NEIL1: variants seen among roughly 807,000 people sequenced by gnomAD.
The protein encoded by NEIL1 is endonuclease 8-like 1.
In NEIL1, 31 loss-of-function variants were observed where a neutral mutation model predicts 44.2. The observed-to-expected ratio is 0.70, with a 90% CI of 0.53 to 0.95. NEIL1 has a LOEUF of 0.95. NEIL1 is among the 40% of genes least tolerant of loss of function. NEIL1 has a pLI of 0.00. For missense variants in NEIL1, 549 were observed against 515.5 expected (o/e 1.07, Z -0.63); for synonymous variants, 254 against 209.7 (o/e 1.21, Z -1.83).
chr15:75,352,988 A>G, intron 5 of NEIL1: 1 of 317,074 alleles, frequency 3.2e-6, no homozygotes. Context: ...AAAAATGCAA[A>G]AAATTAGCCA....
In NEIL1 at chr15:75,356,394, CA is replaced by C. The variant is rs1219836021; in HGVS notation, c.*1361del. 1 of 1,610,816 alleles carries C rather than the reference CA, an allele frequency of 6.2e-7. No homozygotes were observed. Among genetic ancestry groups the C allele is most frequent in the African/African-American group, 1.3e-5 (1 of 74,878 alleles). ...CTGGGCTGGGGGCTGGCAGAGCCAACAGGGGGAAGTTTAGGCTGTAGGCAGC... is the reference window on the plus strand; with the variant it reads ...CTGGGCTGGGGGCTGGCAGAGCCAACGGGGGAAGTTTAGGCTGTAGGCAGC... On this transcript the variant is annotated 3_prime_UTR_variant, in exon 10 of 10. Coordinates refer to ENST00000355059, the MANE Select transcript of NEIL1 (RefSeq NM_024608.4). The surrounding 1 kb of genome is among the most constrained non-coding windows in gnomAD (Gnocchi z 5.8).
At position 75,348,209 on chromosome 15, in the gene NEIL1, C is replaced by G. The variant is rs1034194176; in HGVS notation, c.-22-675C>G. 7 of 752,028 alleles carry G rather than the reference C, an allele frequency of 9.3e-6. No individual in the cohort carries two copies. In the African/African-American group the frequency reaches 9.5e-5, roughly 10 times the overall value. 46.6% of individuals were successfully genotyped at this position (752,028 alleles called of 1,614,324 possible). On this transcript the variant is annotated intron_variant, in intron 1 of 9. Transcript: ENST00000355059. ...CGCCTCGTCCTGGCCCCTGCCCTGA[C>G]CCGGGGGCGGCCGCGGGGATGTCCG...
At chr15:75,348,055 G>T (rs1422455243) in intron 1 of NEIL1, 6 of 1,085,486 alleles carry the variant, frequency 5.5e-6, no homozygotes, top group Middle Eastern at 4.0e-4. Flanking sequence ...CCACCCCAGG[G>T]ACCAGGCGCT....
At chr15:75,352,957 T>C (rs1204483790) in intron 5 of NEIL1, 3 of 394,886 alleles carry the variant, frequency 7.6e-6, no homozygotes, top group East Asian at 5.7e-5. Context: ...CTGGCCAACA[T>C]GGTGAAACCC....
intron 5 of NEIL1, 123 bp downstream of exon 5, chr15:75,352,824 G>A (rs2072025483): frequency 1.3e-6 from 1 of 757,142 alleles, no homozygotes; most frequent in Non-Finnish European, 2.2e-6. Flanking sequence ...ATACTCAATG[G>A]ACTAGGCCTC....
chr15:75,349,394 CTT>C (rs2071707543), intron 2 of NEIL1, 55 bp downstream of exon 2: 3 of 1,500,028 alleles, frequency 2.0e-6, no homozygotes, highest in Non-Finnish European at 2.7e-6. Context: ...ACCTGACTCT[CTT>C]AGTGCCTTCT....
intron 2 of NEIL1, among the ~76,000 whole-genome samples, chr15:75,351,772 A>G (rs930555488): frequency 4.6e-5 from 7 of 151,888 alleles, no homozygotes; most frequent in African/African-American, 1.5e-4. Context: ...ACAGGCACCC[A>G]CCATCATGCC....
intron 1 of NEIL1, chr15:75,347,795 G>A (rs1187083138): frequency 2.7e-6 from 3 of 1,130,740 alleles, no homozygotes; most frequent in Non-Finnish European, 3.3e-6. Context: ...GGGGGCATGG[G>A]GAGGACGGGC....
chr15:75,354,069 A>T (rs1425237062), intron 6 of NEIL1, 181 bp from the exon 7 acceptor site: 3 of 1,021,022 alleles, frequency 2.9e-6, no homozygotes, highest in Non-Finnish European at 2.9e-6. Flanking sequence ...AGCCCAAGTG[A>T]AAGTAGCCAA....
chr15:75,356,589 C>T lies in NEIL1; in HGVS notation c.*1555C>T. The T allele has an allele frequency of 6.4e-7, 1 of 1,554,084 alleles. No individual in the cohort carries two copies. ...TGTCTAGGGCTGCAGGAAGGCCCCA[C>T]CGTCCCCAGCACTCACCCTTGTGCG... On this transcript the variant is annotated 3_prime_UTR_variant, in exon 10 of 10. Transcript: ENST00000355059. This position sits in a 1 kb window ranked among gnomAD's most constrained non-coding sequence, Gnocchi z 5.8.
chr15:75,354,264 G>C lies in NEIL1; in HGVS notation c.861G>C (p.Pro287=). The part of the protein sequence containing the change: ...RTIWFQGDPG[P]LAPKGRKSRK... The stretch of plus-strand genomic sequence containing the variant: ...TCCCATTTTAGGGGGATCCTGGACC[G>C]TTGGCACCCAAAGGTAAGCTACTCC... The change falls in exon 7 of 10, where the codon CCG becomes CCC. Residue 287 remains proline (P), a synonymous_variant. Transcript: ENST00000355059. 6.2e-7 allele frequency: 1 copy of C among 1,614,062 alleles called. No homozygotes were observed. The highest frequency in any genetic ancestry group is 8.5e-7 in the Non-Finnish European group (1 of 1,179,960).
At position 75,355,939 on chromosome 15, in the gene NEIL1, G is replaced by A; in HGVS notation, c.*905G>A. The A allele has an allele frequency of 6.2e-7, 1 of 1,614,184 alleles. No individual in the cohort carries two copies. The highest frequency in any genetic ancestry group is 1.1e-5 in the South Asian group (1 of 91,078). The stretch of plus-strand genomic sequence containing the variant: ...GCGGAGGCTGAAGCACGAGCAACAG[G>A]GACAGCACTTGGAAGGGAGAAAAGG... On this transcript the variant is annotated 3_prime_UTR_variant, in exon 10 of 10. Transcript: ENST00000355059.
chr15:75,353,573 G>C (rs770121503), intron 5 of NEIL1, 166 bp from the exon 6 acceptor site: 4 of 804,090 alleles, frequency 5.0e-6, no homozygotes, highest in Middle Eastern at 2.3e-4. Flanking sequence ...CCATGGCCGA[G>C]TGGGAAGAAA....
rs1386517098 is a variant in NEIL1, at chr15:75,352,352, C to G, written c.583C>G (p.Arg195Gly). ...RLKIPPFEKA[R>G]SVLEALQQHR... Reference sequence around the variant, plus strand: ...GAAGATCCCCCCCTTTGAGAAGGCCCGCTCGGTCCTGGAGGCCCTGCAGCA... The same window carrying G: ...GAAGATCCCCCCCTTTGAGAAGGCCGGCTCGGTCCTGGAGGCCCTGCAGCA... Residue 195 changes from arginine (R) to glycine (G), a missense_variant, in exon 4 of 10, where the codon CGC becomes GGC. Arg to Gly is a moderately radical substitution (Grantham distance 125, BLOSUM62 -2). Transcript: ENST00000355059. 6.2e-7 allele frequency: 1 copy of G among 1,614,118 alleles called. No individual in the cohort carries two copies. Among genetic ancestry groups the G allele is most frequent in the South Asian group, 1.1e-5 (1 of 91,088 alleles).
chr15:75,348,464 G>C, intron 1 of NEIL1: 1 of 1,030,030 alleles, frequency 9.7e-7, no homozygotes, highest in South Asian at 3.7e-5. Flanking sequence ...TGCGGAGGGG[G>C]TGCTCCCTCA....
Position 75,356,458 on chromosome 15 carries a change from C to T in NEIL1, c.*1424C>T, listed in dbSNP as rs1471349594. The T allele has an allele frequency of 8.2e-6, 13 of 1,589,772 alleles. No individual in the cohort carries two copies. Among genetic ancestry groups the T allele is most frequent in the South Asian group, 5.7e-5 (5 of 87,008 alleles). On this transcript the variant is annotated 3_prime_UTR_variant, in exon 10 of 10. Coordinates refer to ENST00000355059, the MANE Select transcript of NEIL1 (RefSeq NM_024608.4). The surrounding 1 kb of genome is among the most constrained non-coding windows in gnomAD (Gnocchi z 5.8). Reference sequence around the variant, plus strand: ...AGCATCCTGGAAAGAGCCTGGGGTACGACCAGGAAACAATGCTGGTGGAGA... The same window carrying T: ...AGCATCCTGGAAAGAGCCTGGGGTATGACCAGGAAACAATGCTGGTGGAGA...
At chr15:75,352,854 TC>T in intron 5 of NEIL1, 153 bp downstream of exon 5, 1 of 669,884 alleles carries the variant, frequency 1.5e-6, no homozygotes, top group Non-Finnish European at 2.6e-6. Flanking sequence ...CAATAGTGTT[TC>T]CAGGCTGGGC....
At chr15:75,354,587 G>C in intron 8 of NEIL1, 66 bp from the exon 9 acceptor site, 1 of 1,612,904 alleles carries the variant, frequency 6.2e-7, no homozygotes, top group Non-Finnish European at 8.5e-7. Flanking sequence ...GGGGGGAGTG[G>C]TGGGCCCTAA....
intron 1 of NEIL1, 112 bp downstream of exon 1, chr15:75,347,585 C>G (rs2071538101): frequency 6.3e-6 from 1 of 158,872 alleles, no homozygotes; most frequent in African/African-American, 2.4e-5. Flanking sequence ...CGGCTCCCAG[C>G]GCGCTCCCGG....
Sources: gnomAD v4.1 joint callset for allele counts (sites outside exome capture counted in the v4.1 genomes callset) on GRCh38, gnomAD v4.1.1 for gene constraint, Gnocchi (gnomAD v3.1) non-coding constraint, MANE v1.5 for transcripts, NCBI Gene and HGNC (gene_info 2026-07-23, HGNC 2026-07-21) for gene names.